The following TRPC7 variants were observed in gnomAD, a reference collection of about 807,000 sequenced individuals.
TRPC7 encodes the protein short transient receptor potential channel 7.
In TRPC7, 42 loss-of-function variants were observed where a neutral mutation model predicts 90.1. That is an observed-to-expected ratio of 0.47 (90% confidence interval 0.36 to 0.60). The LOEUF is 0.60. Ranked by LOEUF, TRPC7 falls within the 20% of genes least tolerant of loss-of-function variation. The probability of loss-of-function intolerance (pLI) is 0.00; values close to 1 mark genes in which losing one functional copy is unlikely to be tolerated. For synonymous variants in TRPC7, 451 were observed against 436.3 expected (o/e 1.03, Z -0.42); for missense variants, 955 against 1,112.3 (o/e 0.86, Z 2.01).
chr5:136,310,623 A>T (rs1758795428), intron 3 of TRPC7, among the ~76,000 whole-genome samples: 2 of 152,190 alleles, frequency 1.3e-5, no homozygotes, highest in Non-Finnish European at 2.9e-5. Flanking sequence ...CACCAAGAGC[A>T]GAGGCCCCCA....
intron 2 of TRPC7, among the ~76,000 whole-genome samples, chr5:136,347,223 T>G (rs1450536546): frequency 6.6e-6 from 1 of 152,198 alleles, no homozygotes; most frequent in Non-Finnish European, 1.5e-5. Context: ...GTCACCACGT[T>G]TGTGCTACTT....
chr5:136,241,567 T>A (rs1756165818), intron 7 of TRPC7, among the ~76,000 whole-genome samples: 1 of 152,122 alleles, frequency 6.6e-6, no homozygotes, highest in African/African-American at 2.4e-5. Flanking sequence ...CCTTCCTTTT[T>A]TTTTTTTTGA....
At chr5:136,256,084 G>A (rs901605802) in intron 5 of TRPC7, among the ~76,000 whole-genome samples, 3 of 152,196 alleles carry the variant, frequency 2.0e-5, no homozygotes, top group African/African-American at 4.8e-5. Flanking sequence ...TCACCAGCTG[G>A]TCAGTGAGTG....
At position 136,346,513 on chromosome 5, in the gene TRPC7, G is replaced by A. The variant is rs77998024; in HGVS notation, c.780+10095C>T. Among the ~76,000 whole-genome samples, 299 of 151,962 alleles carry A rather than the reference G, an allele frequency of 2.0e-3. 1 individual carries two copies. The highest frequency in any genetic ancestry group is 6.5e-3 in the African/African-American group (270 of 41,440). On this transcript the variant is annotated intron_variant, in intron 2 of 11. Transcript: ENST00000513104. ...CGCACACACACATATGTACACATACGTGGAACACATACACCATGTACACAT... is the reference window on the plus strand; with the variant it reads ...CGCACACACACATATGTACACATACATGGAACACATACACCATGTACACAT...
intron 2 of TRPC7, among the ~76,000 whole-genome samples, chr5:136,335,316 T>G (rs2149848654): frequency 6.6e-6 from 1 of 152,144 alleles, no homozygotes; most frequent in Non-Finnish European, 1.5e-5. Flanking sequence ...GGTGCTTACA[T>G]CCAACATCCA....
intron 7 of TRPC7, among the ~76,000 whole-genome samples, chr5:136,243,171 G>A (rs1435499869): frequency 1.3e-5 from 2 of 152,114 alleles, no homozygotes; most frequent in African/African-American, 2.4e-5. Flanking sequence ...ACAACATGGT[G>A]AGACTGGTTT....
chr5:136,216,691 C>A (rs1755281106), intron 10 of TRPC7, among the ~76,000 whole-genome samples: 1 of 152,198 alleles, frequency 6.6e-6, no homozygotes, highest in Admixed American at 6.5e-5. Flanking sequence ...ACTTAGCAGG[C>A]CTGCCTGGGT....
chr5:136,263,864 G>A (rs1756941281), intron 5 of TRPC7, among the ~76,000 whole-genome samples: 1 of 152,168 alleles, frequency 6.6e-6, no homozygotes, highest in Non-Finnish European at 1.5e-5. Context: ...GAAGGGAGGT[G>A]GGGGAAGTAT....
chr5:136,342,443 G>A (rs910965523), intron 2 of TRPC7, among the ~76,000 whole-genome samples: 1 of 152,206 alleles, frequency 6.6e-6, no homozygotes, highest in Non-Finnish European at 1.5e-5. Flanking sequence ...ACCCCTGAGA[G>A]TAGGGGTTGT....
intron 6 of TRPC7, among the ~76,000 whole-genome samples, chr5:136,251,093 G>T (rs1313202155): frequency 6.6e-6 from 1 of 152,160 alleles, no homozygotes; most frequent in African/African-American, 2.4e-5. Flanking sequence ...ATAAACATAT[G>T]TTATAACTAT....
intron 1 of TRPC7, among the ~76,000 whole-genome samples, chr5:136,364,881 CT>C (rs1277639777): frequency 6.6e-6 from 1 of 152,116 alleles, no homozygotes; most frequent in Non-Finnish European, 1.5e-5. Context: ...TCTCTCACCC[CT>C]ATATTTATAT....
Position 136,357,306 on chromosome 5 carries a change from C to G in TRPC7, c.82G>C (p.Gly28Arg). 1 of 1,610,658 alleles carries G rather than the reference C, an allele frequency of 6.2e-7. No individual in the cohort carries two copies. The highest frequency in any genetic ancestry group is 1.1e-5 in the South Asian group (1 of 91,078). Reference sequence around the variant, plus strand: ...TTCTCGTTGAACATGTAGGCGGGACCCCGGATGGCCTGGCGACGGCCCTTC... The same window carrying G: ...TTCTCGTTGAACATGTAGGCGGGACGCCGGATGGCCTGGCGACGGCCCTTC... ...REKGRRQAIR[G>R]PAYMFNEKGT... Residue 28 changes from glycine (G) to arginine (R), a missense_variant, in exon 2 of 12, where the codon GGT becomes CGT. By Grantham distance (125) the Gly-to-Arg change is moderately radical. Transcript: ENST00000513104.
chr5:136,264,354 T>C (rs1326512221), intron 5 of TRPC7, among the ~76,000 whole-genome samples: 4 of 152,188 alleles, frequency 2.6e-5, no homozygotes, highest in African/African-American at 9.7e-5. Context: ...GGGTGATTGG[T>C]GCTGTAAATA....
intron 5 of TRPC7, among the ~76,000 whole-genome samples, chr5:136,255,556 C>T (rs989544408): frequency 6.6e-6 from 1 of 152,164 alleles, no homozygotes; most frequent in Non-Finnish European, 1.5e-5. Flanking sequence ...TGCAACTTTT[C>T]TCTGCACTGG....
chr5:136,247,455 G>C lies in TRPC7; in HGVS notation c.1844+16C>G, dbSNP rs758194798. ...AGCCCAGGGAGAACCTCAGGGGAAA[G>C]CTCTCAGATACTCACGTTGTAAACG... On this transcript the variant is annotated intron_variant, in intron 7 of 11. Coordinates refer to ENST00000513104, the MANE Select transcript of TRPC7 (RefSeq NM_020389.3). The surrounding 1 kb of genome is among the most constrained non-coding windows in gnomAD (Gnocchi z 4.2). 4 of 1,595,732 alleles carry C rather than the reference G, an allele frequency of 2.5e-6. No homozygotes were observed. The highest frequency in any genetic ancestry group is 1.1e-5 in the South Asian group (1 of 87,760).
chr5:136,274,743 A>T lies in TRPC7; in HGVS notation c.1058T>A (p.Leu353Gln). ...LRQQSIAVKF[L>Q]AVFGVSIGLP... ...GCCTATGGAGACTCCAAAGACAGCC[A>T]GGAATTTCACAGCGATAGACTGTTG... Residue 353 changes from leucine (L) to glutamine (Q), a missense_variant, in exon 4 of 12, where the codon CTG (leucine) becomes CAG (glutamine). By Grantham distance (113) the Leu-to-Gln change is moderately radical. This residue lies in a region of TRPC7 where 484 missense variants were observed against 509.6 expected (regional missense o/e 0.95). Coordinates refer to ENST00000513104, the MANE Select transcript of TRPC7 (RefSeq NM_020389.3). The T allele has an allele frequency of 6.2e-7, 1 of 1,612,588 alleles. No homozygotes were observed. Among genetic ancestry groups the T allele is most frequent in the Non-Finnish European group, 8.5e-7 (1 of 1,179,412 alleles).
At chr5:136,261,493 C>T (rs117349496) in intron 5 of TRPC7, among the ~76,000 whole-genome samples, 2 of 152,346 alleles carry the variant, frequency 1.3e-5, no homozygotes, top group East Asian at 3.9e-4. Flanking sequence ...TCTGCTTCCA[C>T]ACTAAATCCC....
intron 2 of TRPC7, among the ~76,000 whole-genome samples, chr5:136,349,418 T>G (rs1248410022): frequency 6.6e-6 from 1 of 152,190 alleles, no homozygotes; most frequent in Non-Finnish European, 1.5e-5. Flanking sequence ...GGAAAAGTTG[T>G]GGTGCTGAAG....
chr5:136,317,982 G>A (rs1339234795), intron 2 of TRPC7, among the ~76,000 whole-genome samples: 1 of 152,204 alleles, frequency 6.6e-6, no homozygotes, highest in Admixed American at 6.5e-5. Flanking sequence ...AGAGGCAACA[G>A]AGCAGCCAAA....
Sources: gnomAD v4.1 joint callset for allele counts (sites outside exome capture counted in the v4.1 genomes callset) on GRCh38, gnomAD v4.1.1 for gene constraint, gnomAD v4.1.1 regional missense constraint, Gnocchi (gnomAD v3.1) non-coding constraint, MANE v1.5 for transcripts, NCBI Gene and HGNC (gene_info 2026-07-23, HGNC 2026-07-21) for gene names.